GRIK3: variants seen among roughly 807,000 people sequenced by gnomAD.
GRIK3 encodes the protein glutamate ionotropic receptor kainate type subunit 3, also known as glutamate receptor ionotropic, kainate 3.
In GRIK3, 29 loss-of-function variants were observed where a neutral mutation model predicts 102.5. The observed-to-expected ratio is 0.28, with a 90% CI of 0.21 to 0.39. The LOEUF (loss-of-function observed/expected upper bound fraction) is 0.39. GRIK3 is among the 10% of genes least tolerant of loss of function. The pLI is 1.00. For synonymous variants in GRIK3, 511 were observed against 504.9 expected, an observed-to-expected ratio of 1.01 and a Z score of -0.16; for missense variants, 908 against 1,252.4, an observed-to-expected ratio of 0.73 and a Z score of 4.15.
In GRIK3 at chr1:36,920,470, CG is replaced by C. The variant is rs1245479816; in HGVS notation, c.116-29375del. Among the ~76,000 whole-genome samples, 5 of 152,178 alleles carry C rather than the reference CG, an allele frequency of 3.3e-5. No individual in the cohort carries two copies. In the East Asian group the frequency reaches 9.7e-4, roughly 29 times the overall value. On this transcript the variant is annotated intron_variant, in intron 1 of 15. Transcript: ENST00000373091. ...AAGCCTGATCCAGAATTTACCATCC[CG>C]GGACCCCCAGAAGCCACCGTCTGCT...
At chr1:36,858,269 C>T (rs1640676123) in intron 7 of GRIK3, among the ~76,000 whole-genome samples, 1 of 152,248 alleles carries the variant, frequency 6.6e-6, no homozygotes, top group African/African-American at 2.4e-5. Flanking sequence ...ACACCGCCTT[C>T]AGGCAGGCAC....
chr1:36,871,305 G>A (rs1014502192), intron 4 of GRIK3, among the ~76,000 whole-genome samples: 2 of 152,182 alleles, frequency 1.3e-5, no homozygotes. Context: ...TGGCACCCCC[G>A]ATGGGGCCCA....
intron 8 of GRIK3, among the ~76,000 whole-genome samples, chr1:36,851,321 C>T (rs1640582175): frequency 6.6e-6 from 1 of 152,244 alleles, no homozygotes; most frequent in Non-Finnish European, 1.5e-5. Context: ...AGCTATGACC[C>T]GGCTTAGCAA....
At chr1:37,033,292 C>G (rs2124098124) in intron 1 of GRIK3, among the ~76,000 whole-genome samples, 1 of 152,346 alleles carries the variant, frequency 6.6e-6, no homozygotes, top group South Asian at 2.1e-4. Context: ...CGCTGGCGTC[C>G]CTGGGCCGCC....
chr1:36,858,669 C>G (rs1258791842), intron 7 of GRIK3, among the ~76,000 whole-genome samples: 1 of 152,170 alleles, frequency 6.6e-6, no homozygotes, highest in African/African-American at 2.4e-5. Context: ...TATTGACCCT[C>G]CTCCTGCACT....
At chr1:36,941,305 C>G (rs1641716904) in intron 1 of GRIK3, among the ~76,000 whole-genome samples, 2 of 152,360 alleles carry the variant, frequency 1.3e-5, no homozygotes, top group South Asian at 4.1e-4. Flanking sequence ...AGCAGGCAGC[C>G]TCTTCATGCA....
chr1:36,840,084 C>G (rs971757015), intron 10 of GRIK3, among the ~76,000 whole-genome samples: 2 of 152,184 alleles, frequency 1.3e-5, no homozygotes, highest in African/African-American at 4.8e-5. Flanking sequence ...TTTGCAGAAG[C>G]TGGAACACAG....
At chr1:36,969,876 T>C (rs961714531) in intron 1 of GRIK3, among the ~76,000 whole-genome samples, 1 of 152,232 alleles carries the variant, frequency 6.6e-6, no homozygotes, top group African/African-American at 2.4e-5. Context: ...AACTCTATTA[T>C]GTGATGTAAG....
intron 1 of GRIK3, among the ~76,000 whole-genome samples, chr1:37,014,240 A>G (rs1165448782): frequency 6.6e-6 from 1 of 152,276 alleles, no homozygotes; most frequent in East Asian, 1.9e-4. Context: ...TCCCATGAAA[A>G]TGGAAATCTC....
At chr1:36,931,920 C>T (rs1358478398) in intron 1 of GRIK3, among the ~76,000 whole-genome samples, 4 of 152,188 alleles carry the variant, frequency 2.6e-5, no homozygotes, top group African/African-American at 7.2e-5. Flanking sequence ...CCTTGCTGAT[C>T]CTGGCTGGAT....
intron 1 of GRIK3, among the ~76,000 whole-genome samples, chr1:37,004,960 A>T (rs568139877): frequency 6.6e-6 from 1 of 152,222 alleles, no homozygotes; most frequent in Admixed American, 6.5e-5. Flanking sequence ...TGGAGCCCTA[A>T]CTAGGCCCCT....
intron 4 of GRIK3, 105 bp from the exon 5 acceptor site, chr1:36,869,906 C>T: frequency 1.2e-6 from 1 of 801,772 alleles, no homozygotes; most frequent in Non-Finnish European, 2.2e-6. Context: ...TTGGGGAAGG[C>T]TGGCTGCTTG....
rs890664550 is a variant in GRIK3 at position 36,814,513 on chromosome 1, C to A, written c.2091+2547G>T. ...GACCATTATACACATACATAGACCC[C>A]CCCCCCCCACACACAGAGACACATA... On this transcript the variant is annotated intron_variant, in intron 13 of 15. Coordinates refer to ENST00000373091, the MANE Select transcript of GRIK3 (RefSeq NM_000831.4). 9.3e-5 allele frequency among the ~76,000 whole-genome samples: 12 copies of A among 129,454 alleles called. 1 individual carries two copies. Among genetic ancestry groups the A allele is most frequent in the Middle Eastern group, 4.2e-3 (1 of 236 alleles). The allele number at this position is 129,454 out of a possible 152,430, so 84.9% of individuals were successfully genotyped here.
intron 10 of GRIK3, among the ~76,000 whole-genome samples, chr1:36,832,802 C>T (rs1557696351): frequency 6.6e-6 from 1 of 152,194 alleles, no homozygotes; most frequent in African/African-American, 2.4e-5. Context: ...CGTGTCCCTT[C>T]AGTCAAGTTC....
At chr1:36,963,777 C>T (rs969564253) in intron 1 of GRIK3, among the ~76,000 whole-genome samples, 5 of 152,198 alleles carry the variant, frequency 3.3e-5, no homozygotes, top group Admixed American at 6.5e-5. Flanking sequence ...CCCCCAGCAG[C>T]CTCCTGAATG....
intron 1 of GRIK3, among the ~76,000 whole-genome samples, chr1:37,004,449 T>A (rs1642510709): frequency 6.6e-6 from 1 of 152,200 alleles, no homozygotes; most frequent in Admixed American, 6.5e-5. Context: ...AGCTTCGGGT[T>A]GTGGAGGGCA....
At chr1:36,999,984 G>A (rs1007853566) in intron 1 of GRIK3, among the ~76,000 whole-genome samples, 6 of 152,120 alleles carry the variant, frequency 3.9e-5, no homozygotes, top group East Asian at 1.9e-4. Flanking sequence ...GTGACAGAGC[G>A]AGACTCCGTC....
chr1:36,817,111 G>T lies in GRIK3; in HGVS notation c.2040C>A (p.Thr680=). The T allele has an allele frequency of 6.2e-7, 1 of 1,614,132 alleles. No individual in the cohort carries two copies. The highest frequency in any genetic ancestry group is 2.2e-5 in the East Asian group (1 of 44,880). ...CCTTGACAGCCCCATACTCGATTTT[G>T]GTTTGCTTGGCCAGGTCATCAGCAG... ...IDSADDLAKQ[T]KIEYGAVKDG... Residue 680 remains threonine (T), a synonymous_variant, in exon 13 of 16, where the codon ACC becomes ACA. Transcript: ENST00000373091.
intron 8 of GRIK3, among the ~76,000 whole-genome samples, chr1:36,851,291 C>T (rs1018790271): frequency 6.6e-6 from 1 of 152,228 alleles, no homozygotes; most frequent in East Asian, 1.9e-4. Flanking sequence ...CCAAAGCCAC[C>T]GGTTGGAGCT....
Sources: allele counts gnomAD v4.1 joint callset (sites outside exome capture counted in the v4.1 genomes callset), GRCh38; gene constraint gnomAD v4.1.1; transcripts MANE v1.5; gene names NCBI Gene and HGNC (gene_info 2026-07-23, HGNC 2026-07-21).